The following MYZAP variants were observed in gnomAD, a reference collection of about 807,000 sequenced individuals.
MYZAP encodes myocardial zonula adherens protein.
In MYZAP, 66 loss-of-function variants were observed where a neutral mutation model predicts 69.4. That is an observed-to-expected ratio of 0.95 (90% CI 0.78 to 1.17). MYZAP has a LOEUF of 1.17. MYZAP is among the 50% of genes most tolerant of loss of function. MYZAP has a pLI of 0.00. For missense variants in MYZAP, 611 were observed against 556.2 expected (o/e 1.10, Z -0.99); for synonymous variants, 256 against 205.9 (o/e 1.24, Z -2.09).
chr15:57,665,054 T>G (rs1834487), intron 11 of MYZAP, among the ~76,000 whole-genome samples: 6,642 of 152,332 alleles, frequency 0.044, 402 homozygotes, highest in African/African-American at 0.13. Flanking sequence ...TATTTTAGAT[T>G]TATAGCTATG....
At chr15:57,660,283 A>G (rs1296692083) in intron 10 of MYZAP, among the ~76,000 whole-genome samples, 2 of 152,156 alleles carry the variant, frequency 1.3e-5, no homozygotes, top group Admixed American at 6.5e-5. Context: ...TCGCTTCCAT[A>G]GGAATAGTGT....
chr15:57,657,562 G>A (rs544201557), intron 10 of MYZAP, among the ~76,000 whole-genome samples: 3 of 152,110 alleles, frequency 2.0e-5, no homozygotes, highest in South Asian at 2.1e-4. Context: ...TAGTGTTTGT[G>A]TAGTATACTC....
At chr15:57,646,965 A>G in intron 10 of MYZAP, 2 of 985,408 alleles carry the variant, frequency 2.0e-6, no homozygotes, top group East Asian at 1.1e-4. Context: ...AGAACATGGC[A>G]GTTTTGCTGA....
chr15:57,612,673 G>A (rs962499898), intron 2 of MYZAP, among the ~76,000 whole-genome samples: 7 of 152,188 alleles, frequency 4.6e-5, no homozygotes, highest in Admixed American at 1.3e-4. Context: ...TCAATGGCCA[G>A]TAAATCCCTT....
chr15:57,656,823 A>G (rs968540058), intron 10 of MYZAP, among the ~76,000 whole-genome samples: 1 of 152,232 alleles, frequency 6.6e-6, no homozygotes. Context: ...ATCTGCACAG[A>G]TAGCATTAAT....
At chr15:57,639,762 T>A (rs2037034324) in intron 10 of MYZAP, among the ~76,000 whole-genome samples, 1 of 152,184 alleles carries the variant, frequency 6.6e-6, no homozygotes, top group Non-Finnish European at 1.5e-5. Context: ...GTCAAAGGGT[T>A]ACAGTTAAGA....
chr15:57,621,573 G>C (rs375404503), intron 3 of MYZAP, 35 bp from the exon 4 acceptor site: 3 of 1,604,764 alleles, frequency 1.9e-6, no homozygotes, highest in African/African-American at 1.3e-5. Flanking sequence ...AAATGTTATG[G>C]CTTGATCTCT....
intron 5 of MYZAP, among the ~76,000 whole-genome samples, chr15:57,626,808 C>T (rs1378267560): frequency 3.3e-5 from 5 of 152,240 alleles, no homozygotes; most frequent in African/African-American, 1.2e-4. Flanking sequence ...GCAGCAGTGA[C>T]AACAGCAGGG....
chr15:57,641,863 A>C (rs1210963240), intron 10 of MYZAP, among the ~76,000 whole-genome samples: 2 of 152,232 alleles, frequency 1.3e-5, no homozygotes, highest in African/African-American at 4.8e-5. Flanking sequence ...CACCTTCAGA[A>C]GAGCAAGACC....
chr15:57,628,603 T>C (rs2733590), intron 5 of MYZAP, among the ~76,000 whole-genome samples: 87,372 of 151,920 alleles, frequency 0.58, 25,375 homozygotes, highest in African/African-American at 0.6. Flanking sequence ...GAGCAAAAAT[T>C]ACTTGTGCGG....
chr15:57,598,936 G>A (rs955525041), intron 1 of MYZAP, among the ~76,000 whole-genome samples: 1 of 152,018 alleles, frequency 6.6e-6, no homozygotes, highest in Non-Finnish European at 1.5e-5. Context: ...GTATCCCGAG[G>A]GTCCTTCCTG....
chr15:57,625,485 G>C (rs1397302123), intron 4 of MYZAP, among the ~76,000 whole-genome samples: 1 of 152,186 alleles, frequency 6.6e-6, no homozygotes, highest in African/African-American at 2.4e-5. Flanking sequence ...TTGACAGTGA[G>C]CAAATCACAT....
At chr15:57,627,707 A>G (rs2036243340) in intron 5 of MYZAP, among the ~76,000 whole-genome samples, 1 of 152,166 alleles carries the variant, frequency 6.6e-6, no homozygotes, top group South Asian at 2.1e-4. Flanking sequence ...TTTTATGAAT[A>G]GACAAACTGA....
chr15:57,678,057 A>G (rs904741938), intron 12 of MYZAP, among the ~76,000 whole-genome samples: 3 of 151,140 alleles, frequency 2.0e-5, no homozygotes, highest in Non-Finnish European at 2.9e-5. Flanking sequence ...AAAAAAAAAA[A>G]AAAAAGAAAA....
At chr15:57,648,164 TAGA>T in intron 10 of MYZAP, 13 of 984,814 alleles carry the variant, frequency 1.3e-5, no homozygotes, top group Non-Finnish European at 1.6e-5. Flanking sequence ...TGTCAATTTT[TAGA>T]AGGTATCAGC....
At chr15:57,647,661 A>G in intron 10 of MYZAP, 1 of 985,406 alleles carries the variant, frequency 1.0e-6, no homozygotes, top group Non-Finnish European at 1.2e-6. Flanking sequence ...TCTGGAGCAG[A>G]TAGTGAGTGA....
At chr15:57,630,302 G>C (rs2036426128) in intron 6 of MYZAP, among the ~76,000 whole-genome samples, 1 of 151,532 alleles carries the variant, frequency 6.6e-6, no homozygotes, top group African/African-American at 2.4e-5. Context: ...CCCCCATTGG[G>C]CATGCCTTTC....
chr15:57,608,475 C>G (rs894043147), intron 2 of MYZAP, among the ~76,000 whole-genome samples: 4 of 152,128 alleles, frequency 2.6e-5, no homozygotes, highest in Non-Finnish European at 5.9e-5. Flanking sequence ...TTGGAGGTTT[C>G]CTATCCCTAA....
chr15:57,636,139 G>A (rs1488197388), intron 8 of MYZAP, among the ~76,000 whole-genome samples: 2 of 147,232 alleles, frequency 1.4e-5, no homozygotes, highest in African/African-American at 2.5e-5. Context: ...CTTGTTTTTT[G>A]TTTTTTTTTT....
Sources: allele counts gnomAD v4.1 joint callset (sites outside exome capture counted in the v4.1 genomes callset), GRCh38; gene constraint gnomAD v4.1.1; transcripts MANE v1.5; gene names NCBI Gene and HGNC (gene_info 2026-07-23, HGNC 2026-07-21).